MIA3: variants seen among roughly 807,000 people sequenced by gnomAD.
MIA3 encodes MIA SH3 domain ER export factor 3.
A neutral mutation model predicts 192.4 loss-of-function variants in MIA3; 90 were observed. That is an observed-to-expected ratio of 0.47 (90% CI 0.39 to 0.56). MIA3 has a LOEUF of 0.56. MIA3 is among the 20% of genes least tolerant of loss of function. The probability of loss-of-function intolerance (pLI) is 0.00; values close to 1 mark genes in which losing one functional copy is unlikely to be tolerated. For synonymous variants in MIA3, 740 were observed against 792.8 expected, an observed-to-expected ratio of 0.93 and a Z score of 1.12; for missense variants, 2,123 against 2,269.4, an observed-to-expected ratio of 0.94 and a Z score of 1.31.
intron 8 of MIA3, chr1:222,649,884 C>G (rs1663332676): frequency 5.0e-6 from 1 of 200,928 alleles, no homozygotes; most frequent in Admixed American, 5.4e-5. Context: ...GGAGCTTTTA[C>G]TCACAGCAGA....
intron 18 of MIA3, among the ~76,000 whole-genome samples, chr1:222,658,150 G>A (rs535897100): frequency 6.6e-6 from 1 of 152,162 alleles, no homozygotes; most frequent in Non-Finnish European, 1.5e-5. Flanking sequence ...GCCAGTACTC[G>A]GATTTGTCTC....
chr1:222,658,535 C>T, intron 18 of MIA3, 187 bp from the exon 19 acceptor site: 1 of 443,574 alleles, frequency 2.3e-6, no homozygotes, highest in East Asian at 4.1e-5. Flanking sequence ...TTAGAAAATG[C>T]AGGTGATGTA....
At chr1:222,619,334 G>C (rs1006307409) in intron 1 of MIA3, among the ~76,000 whole-genome samples, 3 of 152,132 alleles carry the variant, frequency 2.0e-5, no homozygotes, top group African/African-American at 7.2e-5. Context: ...TTCATACACT[G>C]TTAAGCAATG....
chr1:222,638,609 G>A (rs761198399), intron 6 of MIA3, among the ~76,000 whole-genome samples: 1 of 151,952 alleles, frequency 6.6e-6, no homozygotes, highest in African/African-American at 2.4e-5. Flanking sequence ...AAGTGGGAAG[G>A]TTGCTTGAGC....
chr1:222,630,426 A>G, intron 4 of MIA3, 37 bp downstream of exon 4: 1 of 1,543,502 alleles, frequency 6.5e-7, no homozygotes, highest in Non-Finnish European at 8.7e-7. Flanking sequence ...AGGGCTGGAG[A>G]AGCAGGTGGG....
chr1:222,658,019 C>T (rs1014472546), intron 18 of MIA3, among the ~76,000 whole-genome samples: 1 of 152,200 alleles, frequency 6.6e-6, no homozygotes, highest in Non-Finnish European at 1.5e-5. Context: ...GCTGCCTTTA[C>T]AATCTGTGTT....
At position 222,664,883 on chromosome 1, in the gene MIA3, A is replaced by G. The variant is rs904325686; in HGVS notation, c.5414-426A>G. 6.5e-6 allele frequency: 3 copies of G among 463,362 alleles called. No homozygotes were observed. The Admixed American group carries it at 7.3e-5, about 11-fold the overall frequency. 28.7% of individuals were successfully genotyped at this position (463,362 alleles called of 1,614,324 possible). ...GTACAAATCTATCTCTCTTTTTCAG[A>G]TAAAGATGGCAGGCCAGGCACAGTG... On this transcript the variant is annotated intron_variant, in intron 27 of 27. Coordinates refer to ENST00000344922, the MANE Select transcript of MIA3 (RefSeq NM_198551.4).
intron 2 of MIA3, among the ~76,000 whole-genome samples, chr1:222,622,788 A>G (rs977670126): frequency 5.9e-5 from 9 of 152,040 alleles, no homozygotes; most frequent in African/African-American, 1.5e-4. Flanking sequence ...TTGACTTAAC[A>G]TTTTCCTCCC....
chr1:222,638,457 G>A (rs1662722686), intron 6 of MIA3, among the ~76,000 whole-genome samples: 1 of 152,170 alleles, frequency 6.6e-6, no homozygotes. Flanking sequence ...TTGGAAGGCT[G>A]AGGCAGGAGG....
intron 3 of MIA3, among the ~76,000 whole-genome samples, chr1:222,626,414 A>C (rs1054119024): frequency 2.0e-5 from 3 of 152,192 alleles, no homozygotes; most frequent in African/African-American, 4.8e-5. Context: ...ATTGGCTCAG[A>C]AGTGTGCATG....
chr1:222,663,692 G>A (rs1200303156), intron 26 of MIA3, among the ~76,000 whole-genome samples: 1 of 152,194 alleles, frequency 6.6e-6, no homozygotes, highest in African/African-American at 2.4e-5. Flanking sequence ...CTTAGAAATA[G>A]ATGTATGAAT....
Position 222,618,164 on chromosome 1 carries a change from G to T in MIA3, c.54G>T (p.Trp18Cys). 6.6e-7 allele frequency: 1 copy of T among 1,506,850 alleles called. No homozygotes were observed. The highest frequency in any genetic ancestry group is 1.8e-4 in the Middle Eastern group (1 of 5,558). 93.3% of individuals were successfully genotyped at this position (1,506,850 alleles called of 1,614,324 possible). ...GGCTGCTCGTGCTCCGGCTGCCCTG[G>T]CGGGTGCCGGGCCAGCTGGACCCCA... is the stretch of plus-strand genomic sequence containing the variant. Reference protein sequence around the residue: ...LVWLLVLRLPWRVPGQLDPST... With the variant: ...LVWLLVLRLPCRVPGQLDPST... The change falls in exon 1 of 28, where the codon TGG becomes TGT. Residue 18 changes from tryptophan (W) to cysteine (C), a missense_variant. Trp to Cys is a radical substitution (Grantham distance 215). Around this residue, in one of 3 missense-constraint regions of MIA3, gnomAD observed 1,357 missense variants for 1,396.1 expected, o/e 0.97. Transcript: ENST00000344922.
chr1:222,618,287 T>TGGGGTCTCCGCCGGCCCCG (rs764516614), intron 1 of MIA3, 44 bp downstream of exon 1: 8 of 1,342,110 alleles, frequency 6.0e-6, no homozygotes, highest in Non-Finnish European at 6.8e-6. Flanking sequence ...CGGCTGGCCT[T>TGGGGTCTCCGCCGGCCCCG]GGGGTCTCCG....
At chr1:222,625,071 G>A (rs761378927) in intron 3 of MIA3, among the ~76,000 whole-genome samples, 4 of 151,552 alleles carry the variant, frequency 2.6e-5, no homozygotes, top group Non-Finnish European at 4.4e-5. Context: ...GTGGAGTGGC[G>A]TGATCTCGGC....
At chr1:222,634,815 A>G (rs900021377) in intron 6 of MIA3, among the ~76,000 whole-genome samples, 3 of 152,220 alleles carry the variant, frequency 2.0e-5, no homozygotes, top group Admixed American at 6.5e-5. Context: ...TCAAGCCAAG[A>G]TGATTTTATT....
At chr1:222,642,091 C>T (rs1220339844) in intron 6 of MIA3, among the ~76,000 whole-genome samples, 2 of 152,104 alleles carry the variant, frequency 1.3e-5, no homozygotes, top group Non-Finnish European at 2.9e-5. Flanking sequence ...GAAATGCAAA[C>T]TAATGTATTA....
In MIA3 at chr1:222,621,307, G is replaced by T. The variant is rs941791326; in HGVS notation, c.267+15G>T. On this transcript the variant is annotated intron_variant, in intron 2 of 27. Transcript: ENST00000344922. ...GGGCTGGAAGTGTAAGTAAAATATC[G>T]ACATACTTTATTTGCTTAATTTTTA... 1.9e-6 allele frequency: 3 copies of T among 1,597,970 alleles called. No homozygotes were observed. Among genetic ancestry groups the T allele is most frequent in the African/African-American group, 2.7e-5 (2 of 73,672 alleles).
At chr1:222,659,353 C>G in intron 19 of MIA3, 100 bp from the exon 20 acceptor site, 1 of 1,007,084 alleles carries the variant, frequency 9.9e-7, no homozygotes, top group Non-Finnish European at 1.5e-6. Context: ...TGGATAAGCT[C>G]TATTAGGGTA....
chr1:222,624,909 A>G (rs1662039881), intron 3 of MIA3, 55 bp downstream of exon 3: 5 of 957,458 alleles, frequency 5.2e-6, no homozygotes, highest in Non-Finnish European at 6.5e-6. Flanking sequence ...ATAAGTGACT[A>G]CCTAGAAAAA....
Sources: allele counts gnomAD v4.1 joint callset (sites outside exome capture counted in the v4.1 genomes callset), GRCh38; gene constraint gnomAD v4.1.1; regional missense constraint gnomAD v4.1.1; transcripts MANE v1.5; gene names NCBI Gene and HGNC (gene_info 2026-07-23, HGNC 2026-07-21).